The following SYN3 variants were observed in gnomAD, a reference collection of about 807,000 sequenced individuals.
SYN3 encodes synapsin-3.
SYN3 carries 35 observed loss-of-function variants against 65.8 expected under a neutral mutation model. The observed-to-expected ratio is 0.53, with a 90% CI of 0.41 to 0.70. The LOEUF (loss-of-function observed/expected upper bound fraction) is 0.70, where lower values mean the gene tolerates loss of function less well. SYN3 is among the 30% of genes least tolerant of loss of function. SYN3 has a pLI of 0.00. For missense variants in SYN3, 680 were observed against 749.0 expected (o/e 0.91, Z 1.08); for synonymous variants, 270 against 292.9 (o/e 0.92, Z 0.80).
At chr22:32,873,677 T>C (rs2048911908) in intron 4 of SYN3, among the ~76,000 whole-genome samples, 1 of 152,196 alleles carries the variant, frequency 6.6e-6, no homozygotes, top group South Asian at 2.1e-4. Flanking sequence ...GGGTGTGTTG[T>C]ATCTGAGCTC....
chr22:32,585,354 AG>A, intron 7 of SYN3, among the ~76,000 whole-genome samples: 1 of 152,326 alleles, frequency 6.6e-6, no homozygotes, highest in African/African-American at 2.4e-5. Flanking sequence ...CGCCAGTCTA[AG>A]CCCAAAGCCC....
At chr22:32,667,793 TC>T (rs1601876360) in intron 6 of SYN3, among the ~76,000 whole-genome samples, 1 of 150,898 alleles carries the variant, frequency 6.6e-6, no homozygotes, top group East Asian at 2.0e-4. Context: ...TTTCTTTCTT[TC>T]TTTCTTTTTT....
intron 6 of SYN3, among the ~76,000 whole-genome samples, chr22:32,601,944 CT>C (rs757479781): frequency 0.025 from 3,465 of 136,702 alleles, 123 homozygotes; most frequent in African/African-American, 0.079. Context: ...CTTTTCTTTT[CT>C]TTTTTTTTTT....
At chr22:32,739,954 G>A (rs1011256077) in intron 6 of SYN3, among the ~76,000 whole-genome samples, 5 of 152,170 alleles carry the variant, frequency 3.3e-5, no homozygotes, top group East Asian at 1.9e-4. Flanking sequence ...ATGAAGTCTC[G>A]GGTTCAACTT....
chr22:32,681,107 T>C (rs916957178), intron 6 of SYN3, among the ~76,000 whole-genome samples: 2 of 150,650 alleles, frequency 1.3e-5, no homozygotes, highest in Non-Finnish European at 3.0e-5. Context: ...TGATGTAGCT[T>C]GGTGAAGTGA....
chr22:32,650,119 T>C (rs1224763262), intron 6 of SYN3, among the ~76,000 whole-genome samples: 1 of 152,094 alleles, frequency 6.6e-6, no homozygotes, highest in Non-Finnish European at 1.5e-5. Flanking sequence ...CAATCTCAAA[T>C]TTCTCTATTC....
intron 6 of SYN3, among the ~76,000 whole-genome samples, chr22:32,630,533 TG>T (rs2059733400): frequency 6.6e-6 from 1 of 152,262 alleles, no homozygotes; most frequent in Non-Finnish European, 1.5e-5. Flanking sequence ...TGCCCTGATC[TG>T]GTCCTTTCTG....
Position 33,006,606 on chromosome 22 carries a change from A to G in SYN3, c.57T>C (p.Asn19=). ...GGCGTTGCAGGTCCGTCATATAGCC[A>G]TTAGGCAGGTTGGCCATGAAGCTGC... is the stretch of plus-strand genomic sequence containing the variant. ...SDSSFMANLP[N]GYMTDLQRPD... is the part of the protein sequence containing the mutation. The change falls in exon 2 of 14, where the codon AAT becomes AAC. Residue 19 remains asparagine, a synonymous_variant. Coordinates refer to ENST00000358763, the MANE Select transcript of SYN3 (RefSeq NM_003490.4). 1 of 1,609,626 alleles carries G rather than the reference A, an allele frequency of 6.2e-7. No homozygotes were observed. The highest frequency in any genetic ancestry group is 8.5e-7 in the Non-Finnish European group (1 of 1,177,394).
chr22:32,693,273 G>A (rs923205983), intron 6 of SYN3, among the ~76,000 whole-genome samples: 13 of 152,166 alleles, frequency 8.5e-5, no homozygotes, highest in Non-Finnish European at 1.5e-4. Context: ...CACCACTGTC[G>A]ATCTGATAAC....
intron 4 of SYN3, among the ~76,000 whole-genome samples, chr22:32,874,522 T>C (rs954614748): frequency 6.6e-6 from 1 of 152,214 alleles, no homozygotes; most frequent in Non-Finnish European, 1.5e-5. Context: ...CTCTTAACCA[T>C]TGGAGAAGTG....
At chr22:32,847,463 G>A (rs537043284) in intron 6 of SYN3, among the ~76,000 whole-genome samples, 1 of 152,162 alleles carries the variant, frequency 6.6e-6, no homozygotes, top group South Asian at 2.1e-4. Context: ...TTTTGCCATC[G>A]CCGGCAGGGA....
chr22:33,022,862 G>A (rs1169805024), intron 1 of SYN3, among the ~76,000 whole-genome samples: 2 of 152,118 alleles, frequency 1.3e-5, no homozygotes, highest in Non-Finnish European at 2.9e-5. Context: ...GCAAATTAAA[G>A]CATTTAACTT....
At chr22:32,554,290 AATACGGGCTTTTT>A (rs1402085023) in intron 7 of SYN3, among the ~76,000 whole-genome samples, 18 of 152,088 alleles carry the variant, frequency 1.2e-4, no homozygotes, top group African/African-American at 4.3e-4. Flanking sequence ...ATGGTCCCTC[AATACGGGCTTTTT>A]CCAAGTACCT....
At position 32,727,600 on chromosome 22, in the gene SYN3, C is replaced by A. The variant is rs1431169771; in HGVS notation, c.712-130864G>T. Among the ~76,000 whole-genome samples, 3 of 152,206 alleles carry A rather than the reference C, an allele frequency of 2.0e-5. No homozygotes were observed. The East Asian group carries it at 5.8e-4, about 29-fold the overall frequency. ...TGGTTGAACTAATTTATGCTCCTAC[C>A]AACGGTGTAAAAGTGTTCTTTTCTC... On this transcript the variant is annotated intron_variant, in intron 6 of 13. Transcript: ENST00000358763.
intron 4 of SYN3, among the ~76,000 whole-genome samples, chr22:32,874,391 C>T (rs1176868688): frequency 6.6e-6 from 1 of 152,174 alleles, no homozygotes. Context: ...GCTGTTGGCA[C>T]TTGAGAGGAA....
At chr22:32,873,083 T>C (rs1225514701) in intron 4 of SYN3, among the ~76,000 whole-genome samples, 1 of 152,014 alleles carries the variant, frequency 6.6e-6, no homozygotes, top group Non-Finnish European at 1.5e-5. Context: ...CCCAAGTAGC[T>C]GGGATTACAG....
At chr22:32,532,383 T>C (rs2058090001) in intron 10 of SYN3, among the ~76,000 whole-genome samples, 1 of 152,282 alleles carries the variant, frequency 6.6e-6, no homozygotes, top group African/African-American at 2.4e-5. Context: ...GGAGCAACTG[T>C]ACAGGTCAAG....
chr22:32,949,130 G>A (rs2051207041), intron 3 of SYN3, among the ~76,000 whole-genome samples: 1 of 152,072 alleles, frequency 6.6e-6, no homozygotes, highest in Non-Finnish European at 1.5e-5. Context: ...TTGGATTTTG[G>A]CCGGGCACAG....
At chr22:32,811,087 C>T (rs1302299935) in intron 6 of SYN3, among the ~76,000 whole-genome samples, 1 of 152,106 alleles carries the variant, frequency 6.6e-6, no homozygotes, top group Non-Finnish European at 1.5e-5. Context: ...CTGGGAACCA[C>T]TGAGACAGTT....
Sources: allele counts gnomAD v4.1 joint callset (sites outside exome capture counted in the v4.1 genomes callset), GRCh38; gene constraint gnomAD v4.1.1; transcripts MANE v1.5; gene names NCBI Gene and HGNC (gene_info 2026-07-23, HGNC 2026-07-21).